Variants in TSKS observed in about 807,000 individuals in gnomAD.
TSKS encodes testis-specific serine kinase substrate.
In TSKS, 27 loss-of-function variants were observed where a neutral mutation model predicts 68.0. That is an observed-to-expected ratio of 0.40 (90% CI 0.29 to 0.55). The LOEUF (loss-of-function observed/expected upper bound fraction) is 0.55, where lower values mean the gene tolerates loss of function less well. Ranked by LOEUF, TSKS falls within the 20% of genes least tolerant of loss-of-function variation. The pLI is 0.53. For synonymous variants in TSKS, 331 were observed against 340.4 expected (o/e 0.97, Z 0.30); for missense variants, 806 against 776.0 (o/e 1.04, Z -0.46).
In TSKS at chr19:49,744,466, TC is replaced by T. The variant is rs961263636; in HGVS notation, c.1188-63del. ...TTCAGCGGTATAACCCTGGCAAGAC[TC>T]CACCCATTATTAGCCCACCACTTGC... On this transcript the variant is annotated intron_variant, in intron 7 of 10. Transcript: ENST00000246801. 2.6e-6 allele frequency: 4 copies of T among 1,545,724 alleles called. No individual in the cohort carries two copies. The African/African-American group carries it at 4.1e-5, about 16-fold the overall frequency.
intron 2 of TSKS, among the ~76,000 whole-genome samples, chr19:49,756,298 A>G (rs1484283048): frequency 6.6e-6 from 1 of 152,024 alleles, no homozygotes; most frequent in Non-Finnish European, 1.5e-5. Flanking sequence ...TCTCTACCAA[A>G]AAATTTAAAA....
At position 49,746,688 on chromosome 19, in the gene TSKS, C is replaced by T. The variant is rs757213011; in HGVS notation, c.774G>A (p.Pro258=). The T allele has an allele frequency of 3.9e-6, 5 of 1,296,762 alleles. No homozygotes were observed. Among genetic ancestry groups the T allele is most frequent in the African/African-American group, 5.5e-5 (2 of 36,450 alleles). 80.3% of individuals were successfully genotyped at this position (1,296,762 alleles called of 1,614,324 possible). A position where few individuals can be genotyped will look rare whatever the true frequency, so the allele number is the denominator to read the frequency against. The change falls in exon 6 of 11, where the codon CCG becomes CCA. Residue 258 remains proline (P), a synonymous_variant. Transcript: ENST00000246801. ...CAGCCTCCGGCTTCTGCTTCTCCTC[C>T]GGCTCCTGCTTCTCCTCCGGCTCCT... ...EKQEPEEKQE[P]EEKQKPEAGL...
chr19:49,757,129 T>G (rs2084398589), intron 2 of TSKS, among the ~76,000 whole-genome samples: 1 of 152,218 alleles, frequency 6.6e-6, no homozygotes, highest in Admixed American at 6.5e-5. Flanking sequence ...GAGGAACTGT[T>G]TCTTATTTGC....
rs376165380 is a variant in TSKS at position 49,741,899 on chromosome 19, G to C, written c.1483C>G (p.His495Asp). 1 of 1,614,182 alleles carries C rather than the reference G, an allele frequency of 6.2e-7. No homozygotes were observed. Among genetic ancestry groups the C allele is most frequent in the South Asian group, 1.1e-5 (1 of 91,078 alleles). ...TTCCCTGGTACCAGAATCTTCTTGT[G>C]TAGCCTCTGACAGCTGGGACAGGCA... Reference protein sequence around the residue: ...TPACPSCQRLHKKILELERQA... With the variant: ...TPACPSCQRLDKKILELERQA... Residue 495 changes from histidine (H) to aspartate (D), a missense_variant, in exon 9 of 11, where the codon CAC becomes GAC. His to Asp is a moderately conservative substitution (Grantham distance 81). Transcript: ENST00000246801.
In TSKS at chr19:49,747,403, A is replaced by C; in HGVS notation, c.649T>G (p.Ser217Ala). The C allele has an allele frequency of 6.2e-7, 1 of 1,614,230 alleles. No homozygotes were observed. The highest frequency in any genetic ancestry group is 8.5e-7 in the Non-Finnish European group (1 of 1,180,040). ...CTAGCCCTTACCTCCAGCAGGGCAG[A>C]ATTCTGCTTCAAGACGTTGGTTTTG... Reference protein sequence around the residue: ...EIKTNVLKQNSALLEEKLRYL... With the variant: ...EIKTNVLKQNAALLEEKLRYL... Residue 217 changes from serine to alanine, a missense_variant, in exon 5 of 11, where the codon TCT (serine) becomes GCT (alanine). By Grantham distance (99) the Ser-to-Ala change is moderately conservative. Transcript: ENST00000246801.
chr19:49,747,479 C>T lies in TSKS; in HGVS notation c.580-7G>A, dbSNP rs367990075. 6 of 1,613,926 alleles carry T rather than the reference C, an allele frequency of 3.7e-6. No homozygotes were observed. The African/African-American group carries it at 8.0e-5, about 22-fold the overall frequency. Reference sequence around the variant, plus strand: ...TCACCTTCCAGCAGTTCTCCTGGGTCAGACACCAGGGCGAGGGCCCTGCCT... The same window carrying T: ...TCACCTTCCAGCAGTTCTCCTGGGTTAGACACCAGGGCGAGGGCCCTGCCT... On this transcript the variant is annotated splice_region_variant and splice_polypyrimidine_tract_variant and intron_variant, in intron 4 of 10. Transcript: ENST00000246801.
chr19:49,746,487 G>T lies in TSKS; in HGVS notation c.975C>A (p.Thr325=). 2.5e-6 allele frequency: 4 copies of T among 1,613,948 alleles called. No homozygotes were observed. In the South Asian group the frequency reaches 4.4e-5, roughly 18 times the overall value. The change falls in exon 6 of 11, where the codon ACC becomes ACA. Residue 325 remains threonine, a synonymous_variant. Transcript: ENST00000246801. ...CCGCCCACCTCAGCTCTTCGATGCC[G>T]GTGAACAGCTTCTGCAATTCCTGCT... The part of the protein sequence containing the change: ...VSEQELQKLF[T]GIEELRREVS...
intron 2 of TSKS, among the ~76,000 whole-genome samples, chr19:49,748,897 A>G (rs2084325333): frequency 6.6e-6 from 1 of 151,906 alleles, no homozygotes; most frequent in Admixed American, 6.6e-5. Context: ...TGAAACCCCA[A>G]CTCTACTAAA....
In TSKS at chr19:49,747,218, T is replaced by C. The variant is rs765555713; in HGVS notation, c.663+171A>G. On this transcript the variant is annotated intron_variant, in intron 5 of 10. Transcript: ENST00000246801. ...GGGCAAGAGTCCCCCATCTGGGTGT[T>C]GGAGCCTCATTTGAATCCCTCTTAT... 2.0e-4 allele frequency: 305 copies of C among 1,539,024 alleles called. 1 individual carries two copies. The highest frequency in any genetic ancestry group is 3.3e-4 in the Middle Eastern group (2 of 5,992).
intron 2 of TSKS, 57 bp from the exon 3 acceptor site, chr19:49,748,526 C>T: frequency 6.5e-7 from 1 of 1,537,828 alleles, no homozygotes; most frequent in Non-Finnish European, 8.9e-7. Context: ...AGCCCCAAGC[C>T]CAGGAAGAAT....
chr19:49,743,024 A>G (rs754777795), intron 8 of TSKS, among the ~76,000 whole-genome samples: 11 of 151,024 alleles, frequency 7.3e-5, no homozygotes, highest in Non-Finnish European at 1.3e-4. Flanking sequence ...GCCTCTCCTC[A>G]TGTTCACATC....
chr19:49,746,910 G>C (rs2084307578), intron 5 of TSKS, 112 bp from the exon 6 acceptor site: 1 of 1,511,624 alleles, frequency 6.6e-7, no homozygotes, highest in African/African-American at 1.4e-5. Flanking sequence ...GAACGCCTGT[G>C]GGGACAGTAT....
chr19:49,762,815 C>T (rs1020357109), intron 1 of TSKS, among the ~76,000 whole-genome samples: 2 of 151,898 alleles, frequency 1.3e-5, no homozygotes, highest in African/African-American at 4.8e-5. Context: ...TCACTAGCCT[C>T]CCTTCTCCTT....
At chr19:49,752,614 G>A (rs2084360468) in intron 2 of TSKS, among the ~76,000 whole-genome samples, 1 of 152,160 alleles carries the variant, frequency 6.6e-6, no homozygotes, top group African/African-American at 2.4e-5. Flanking sequence ...CATGGAGTGG[G>A]AGAGGGAACA....
In TSKS at chr19:49,763,003, C is replaced by G. The variant is rs756521733; in HGVS notation, c.170+75G>C. 9.3e-6 allele frequency: 14 copies of G among 1,512,166 alleles called. No individual in the cohort carries two copies. Among genetic ancestry groups the G allele is most frequent in the Admixed American group, 4.2e-5 (2 of 47,170 alleles). 93.7% of individuals were successfully genotyped at this position (1,512,166 alleles called of 1,614,324 possible). ...TTCCCCCTCCCCTTCCTCTAGCACC[C>G]ACAGTCGGACTCCTGCTCTGTTGGA... On this transcript the variant is annotated intron_variant, in intron 1 of 10. Transcript: ENST00000246801. This position sits in a 1 kb window ranked among gnomAD's most constrained non-coding sequence, Gnocchi z 4.5.
At chr19:49,740,277 T>C in intron 9 of TSKS, 94 bp from the exon 10 acceptor site, 1 of 1,446,086 alleles carries the variant, frequency 6.9e-7, no homozygotes, top group Non-Finnish European at 9.2e-7. Flanking sequence ...TAGGGTCCCA[T>C]GGGGCCCACA....
Position 49,747,565 on chromosome 19 carries a change from T to C in TSKS, c.580-93A>G, listed in dbSNP as rs2084313603. 3 of 1,271,406 alleles carry C rather than the reference T, an allele frequency of 2.4e-6. No individual in the cohort carries two copies. In the South Asian group the frequency reaches 3.6e-5, roughly 15 times the overall value. The allele number at this position is 1,271,406 out of a possible 1,614,324, so 78.8% of individuals were successfully genotyped here. ...TCTGTTTCCATCCAGGCTCCAGGCC[T>C]CCTAGCCCCCCAGTACAAGACACAC... On this transcript the variant is annotated intron_variant, in intron 4 of 10. Coordinates refer to ENST00000246801, the MANE Select transcript of TSKS (RefSeq NM_021733.2).
intron 4 of TSKS, among the ~76,000 whole-genome samples, chr19:49,747,705 CTTTCTT>C (rs921569163): frequency 5.9e-5 from 9 of 152,038 alleles, no homozygotes; most frequent in Non-Finnish European, 1.3e-4. Context: ...CATTTCTCCT[CTTTCTT>C]TTCTTTTTTT....
At chr19:49,742,204 C>T (rs572602208) in intron 8 of TSKS, among the ~76,000 whole-genome samples, 184 bp from the exon 9 acceptor site, 3 of 151,994 alleles carry the variant, frequency 2.0e-5, no homozygotes, top group Admixed American at 1.3e-4. Context: ...GATCACTACT[C>T]CTTTTTTTTT....
Sources: gnomAD v4.1 joint callset for allele counts (sites outside exome capture counted in the v4.1 genomes callset) on GRCh38, gnomAD v4.1.1 for gene constraint, Gnocchi (gnomAD v3.1) non-coding constraint, MANE v1.5 for transcripts, NCBI Gene and HGNC (gene_info 2026-07-23, HGNC 2026-07-21) for gene names.